The following DLL1 variants were observed in gnomAD, a reference collection of about 807,000 sequenced individuals.
The protein encoded by DLL1 is delta-like protein 1.
A neutral mutation model predicts 75.1 loss-of-function variants in DLL1; 9 were observed. The observed-to-expected ratio is 0.12, with a 90% CI of 0.07 to 0.21. The LOEUF is 0.21. Among genes scored for constraint, DLL1 ranks in the 10% least tolerant of loss-of-function variants. The pLI, the probability that DLL1 is intolerant of heterozygous loss-of-function variation, is 1.00. For synonymous variants in DLL1, 477 were observed against 418.3 expected (o/e 1.14, Z -1.71); for missense variants, 837 against 1,007.6 (o/e 0.83, Z 2.29).
In DLL1 at chr6:170,290,069, C is replaced by G; in HGVS notation, c.54+17G>C. 3 of 1,575,430 alleles carry G rather than the reference C, an allele frequency of 1.9e-6. No homozygotes were observed. Among genetic ancestry groups the G allele is most frequent in the Admixed American group, 3.5e-5 (2 of 57,782 alleles). On this transcript the variant is annotated intron_variant, in intron 1 of 10. Coordinates refer to ENST00000366756, the MANE Select transcript of DLL1 (RefSeq NM_005618.4). This position sits in a 1 kb window ranked among gnomAD's most constrained non-coding sequence, Gnocchi z 4.7. ...TGAGACCCCGCGGGGCCGCGGCGCC[C>G]CCACCTGCCCGCCTACCTGACACAG...
intron 2 of DLL1, chr6:170,289,228 TGGAGACCTGGCACAGAGGCC>T: frequency 1.5e-6 from 1 of 669,942 alleles, no homozygotes; most frequent in South Asian, 1.5e-5. Flanking sequence ...CGCCTCTGAC[TGGAGACCTGGCACAGAGGCC>T]GGATACGGAA....
At chr6:170,285,920 AT>A (rs1174988661) in intron 5 of DLL1, among the ~76,000 whole-genome samples, 1 of 152,188 alleles carries the variant, frequency 6.6e-6, no homozygotes, top group East Asian at 1.9e-4. Context: ...CATCTCAAAA[AT>A]CACTCCCTGA....
At chr6:170,283,172 T>C in intron 9 of DLL1, 59 bp downstream of exon 9, 4 of 1,613,422 alleles carry the variant, frequency 2.5e-6, no homozygotes, top group Non-Finnish European at 3.4e-6. Context: ...AACGGAGCAG[T>C]GGTTCCAGGA....
intron 4 of DLL1, among the ~76,000 whole-genome samples, chr6:170,287,839 C>T (rs1339664516): frequency 6.6e-6 from 1 of 152,184 alleles, no homozygotes; most frequent in Non-Finnish European, 1.5e-5. Flanking sequence ...TGATGCTGTT[C>T]CAGCACTGGG....
rs1340660784 is a variant in DLL1 at position 170,288,271 on chromosome 6, T to C, written c.638A>G (p.Asn213Ser). The change falls in exon 4 of 11, where the codon AAC becomes AGC. Residue 213 changes from asparagine to serine, a missense_variant. Physicochemically the swap from Asn to Ser is conservative, Grantham distance 46. This residue lies in a region of DLL1 where 304 missense variants were observed against 461.9 expected (regional missense o/e 0.66). Coordinates refer to ENST00000366756, the MANE Select transcript of DLL1 (RefSeq NM_005618.4). ...TCGERGEKVC[N>S]PGWKGPYCTE... is the part of the protein sequence containing the mutation. ...GCAGTAGGGCCCTTTCCAGCCAGGG[T>C]TGCACACTTTCTCCCCACGCTCCCC... 6.2e-7 allele frequency: 1 copy of C among 1,613,808 alleles called. No individual in the cohort carries two copies. The highest frequency in any genetic ancestry group is 8.5e-7 in the Non-Finnish European group (1 of 1,180,044).
intron 1 of DLL1, 101 bp downstream of exon 1, chr6:170,289,985 C>T (rs2114967278): frequency 1.5e-6 from 2 of 1,337,148 alleles, no homozygotes; most frequent in Non-Finnish European, 1.9e-6. Context: ...GTGGCTGGCG[C>T]GGCCCGTGCC....
At chr6:170,286,362 C>G in intron 4 of DLL1, 64 bp from the exon 5 acceptor site, 1 of 1,598,446 alleles carries the variant, frequency 6.3e-7, no homozygotes, top group South Asian at 1.1e-5. Flanking sequence ...GGCTGCCGCC[C>G]TTGGGGCCAG....
rs142138667 is a variant in DLL1, at chr6:170,285,100, G to A, written c.1068C>T (p.Pro356=). The A allele has an allele frequency of 1.9e-4, 310 of 1,614,062 alleles. No homozygotes were observed. The African/African-American group carries it at 3.4e-3, about 18-fold the overall frequency. ...LENSYSCTCP[P]GFYGKICELS... ...ATTCACAGATTTTGCCGTAGAAGCC[G>A]GGTGGGCAGGTACAGGAGTAGCTGT... Residue 356 remains proline, a synonymous_variant, in exon 8 of 11, where the codon CCC becomes CCT. Transcript: ENST00000366756.
chr6:170,288,215 A>C, intron 4 of DLL1, 24 bp downstream of exon 4: 1 of 1,613,656 alleles, frequency 6.2e-7, no homozygotes, highest in Non-Finnish European at 8.5e-7. Flanking sequence ...CGAGTGAGCC[A>C]GCGGTGCCTT....
At chr6:170,289,048 T>C in intron 2 of DLL1, 1 of 592,934 alleles carries the variant, frequency 1.7e-6, no homozygotes, top group Non-Finnish European at 3.0e-6. Flanking sequence ...TTTTTTTAAT[T>C]AGAGAGAGAG....
rs773151062 is a variant in DLL1, at chr6:170,288,413, T to A, written c.496A>T (p.Ser166Cys). The stretch of plus-strand genomic sequence containing the variant: ...GAGTACTTGAGGTCCGTGCGGCCGC[T>A]GCTGTGCAGGTCCTGGGACCACTCC... ...GEEWSQDLHSSGRTDLKYSYR... is the reference protein window; with the variant it reads ...GEEWSQDLHSCGRTDLKYSYR... Residue 166 changes from serine to cysteine, a missense_variant, in exon 4 of 11, where the codon AGC becomes TGC. By Grantham distance (112) the Ser-to-Cys change is moderately radical (BLOSUM62 -1). This residue lies in a region of DLL1 where 304 missense variants were observed against 461.9 expected (regional missense o/e 0.66). Coordinates refer to ENST00000366756, the MANE Select transcript of DLL1 (RefSeq NM_005618.4). 4 of 1,613,970 alleles carry A rather than the reference T, an allele frequency of 2.5e-6. No individual in the cohort carries two copies. In the African/African-American group the frequency reaches 5.3e-5, roughly 22 times the overall value.
chr6:170,284,483 T>C (rs1188794936), intron 8 of DLL1, among the ~76,000 whole-genome samples: 1 of 152,176 alleles, frequency 6.6e-6, no homozygotes, highest in Non-Finnish European at 1.5e-5. Flanking sequence ...CAGCTCTCCT[T>C]GCTGTGTGTC....
chr6:170,283,228 C>T lies in DLL1; in HGVS notation c.2048+3G>A, dbSNP rs776637007. The T allele has an allele frequency of 8.1e-6, 13 of 1,612,684 alleles. No individual in the cohort carries two copies. The highest frequency in any genetic ancestry group is 1.1e-5 in the Non-Finnish European group (13 of 1,179,854). On this transcript the variant is annotated splice_donor_region_variant and intron_variant, in intron 9 of 10. Transcript: ENST00000366756. ...CTCCTGATGCCCGGCCCGCAGCACG[C>T]ACCCCCTGAGTGTGGTCGGGGTCCC... is the stretch of plus-strand genomic sequence containing the variant.
chr6:170,284,044 C>T lies in DLL1; in HGVS notation c.1250-15G>A. 6.4e-7 allele frequency: 1 copy of T among 1,555,378 alleles called. No individual in the cohort carries two copies. Among genetic ancestry groups the T allele is most frequent in the Non-Finnish European group, 8.6e-7 (1 of 1,158,632 alleles). The stretch of plus-strand genomic sequence containing the variant: ...ACACTTGGCACCTGGAACACAGGGA[C>T]ATGAACATCACGTGTCTCCTCGTAG... On this transcript the variant is annotated splice_polypyrimidine_tract_variant and intron_variant, in intron 8 of 10. Coordinates refer to ENST00000366756, the MANE Select transcript of DLL1 (RefSeq NM_005618.4).
chr6:170,289,770 C>A lies in DLL1; in HGVS notation c.93G>T (p.Glu31Asp). ...SSGVFELKLQ[E>D]FVNKKGLLGN... ...CCAGCAGCCCCTTCTTGTTGACGAA[C>A]TCCTGCAGCTTCAGTTCGAACACCC... The change falls in exon 2 of 11, where the codon GAG becomes GAT. Residue 31 changes from glutamate to aspartate, a missense_variant. Glu to Asp is a conservative substitution (Grantham distance 45). This residue lies in a region of DLL1 where 304 missense variants were observed against 461.9 expected (regional missense o/e 0.66). Coordinates refer to ENST00000366756, the MANE Select transcript of DLL1 (RefSeq NM_005618.4). 1 of 1,556,454 alleles carries A rather than the reference C, an allele frequency of 6.4e-7. No individual in the cohort carries two copies. The highest frequency in any genetic ancestry group is 8.7e-7 in the Non-Finnish European group (1 of 1,149,816).
intron 4 of DLL1, 39 bp downstream of exon 4, chr6:170,288,200 G>A (rs766889717): frequency 2.5e-6 from 4 of 1,613,226 alleles, no homozygotes; most frequent in African/African-American, 1.3e-5. Context: ...GTCCGTGTTC[G>A]TGGACGAGTG....
chr6:170,282,696 C>A lies in DLL1; in HGVS notation c.*178G>T. The A allele has an allele frequency of 9.5e-7, 1 of 1,049,404 alleles. No homozygotes were observed. Among genetic ancestry groups the A allele is most frequent in the South Asian group, 1.4e-5 (1 of 74,056 alleles). 65.0% of individuals were successfully genotyped at this position (1,049,404 alleles called of 1,614,324 possible). A position where few individuals can be genotyped will look rare whatever the true frequency, so the allele number is the denominator to read the frequency against. On this transcript the variant is annotated 3_prime_UTR_variant, in exon 11 of 11. Transcript: ENST00000366756. ...GGCAGTGCCGCAGGCGGCCGGGCCGCGACAGGCTGTCGGCAGGCGTCGAGG... is the reference window on the plus strand; with the variant it reads ...GGCAGTGCCGCAGGCGGCCGGGCCGAGACAGGCTGTCGGCAGGCGTCGAGG...
chr6:170,290,692 C>G lies in DLL1; in HGVS notation c.-553G>C, dbSNP rs1258864970. On this transcript the variant is annotated 5_prime_UTR_variant, in exon 1 of 11. Coordinates refer to ENST00000366756, the MANE Select transcript of DLL1 (RefSeq NM_005618.4). This position sits in a 1 kb window ranked among gnomAD's most constrained non-coding sequence, Gnocchi z 4.7. ...GGTGTGCGCGGCGGCCCCTGCGGAT[C>G]GCGGCCCGGTGTCACTCGGCGGCGG... 1 of 313,102 alleles carries G rather than the reference C, an allele frequency of 3.2e-6. No homozygotes were observed. The highest frequency in any genetic ancestry group is 5.9e-6 in the Non-Finnish European group (1 of 169,792). 19.4% of individuals were successfully genotyped at this position (313,102 alleles called of 1,614,324 possible). A position where few individuals can be genotyped will look rare whatever the true frequency, so the allele number is the denominator to read the frequency against.
intron 8 of DLL1, among the ~76,000 whole-genome samples, chr6:170,284,402 A>C (rs1269896772): frequency 2.1e-5 from 3 of 144,466 alleles, no homozygotes; most frequent in African/African-American, 2.5e-5. Context: ...TGAGAGGAGC[A>C]GGCACTGACA....
Sources: allele counts gnomAD v4.1 joint callset (sites outside exome capture counted in the v4.1 genomes callset), GRCh38; gene constraint gnomAD v4.1.1; regional missense constraint gnomAD v4.1.1; non-coding constraint Gnocchi (gnomAD v3.1); transcripts MANE v1.5; gene names NCBI Gene and HGNC (gene_info 2026-07-23, HGNC 2026-07-21).